RBMS3: variants seen among roughly 807,000 people sequenced by gnomAD.
RBMS3 encodes RNA-binding motif, single-stranded-interacting protein 3.
In RBMS3, 27 loss-of-function variants were observed where a neutral mutation model predicts 66.8. The observed-to-expected ratio is 0.40, with a 90% confidence interval of 0.30 to 0.56. The LOEUF (loss-of-function observed/expected upper bound fraction) is 0.56, where lower values mean the gene tolerates loss of function less well. Among genes scored for constraint, RBMS3 ranks in the 20% least tolerant of loss-of-function variants. The probability of loss-of-function intolerance (pLI) is 0.40; values close to 1 mark genes in which losing one functional copy is unlikely to be tolerated. For missense variants in RBMS3, 513 were observed against 549.5 expected, an observed-to-expected ratio of 0.93 and a Z score of 0.66; for synonymous variants, 188 against 183.0, an observed-to-expected ratio of 1.03 and a Z score of -0.22.
chr3:29,881,776 G>C (rs1358458132), intron 7 of RBMS3, among the ~76,000 whole-genome samples: 1 of 152,142 alleles, frequency 6.6e-6, no homozygotes, highest in East Asian at 1.9e-4. Flanking sequence ...AAATTCTTAA[G>C]TGGCCAGAAC....
In RBMS3 at chr3:29,436,651, A is replaced by G. The variant is rs373048101; in HGVS notation, c.248+1736A>G. Among the ~76,000 whole-genome samples the G allele has an allele frequency of 2.6e-5, 4 of 152,220 alleles. No individual in the cohort carries two copies. The East Asian group carries it at 7.7e-4, about 29-fold the overall frequency. ...AGGTTCAGGTGAAGTAAAAAGAAAA[A>G]TAGCTATTGTTCTTAATTTATATTT... On this transcript the variant is annotated intron_variant, in intron 2 of 14. Coordinates refer to ENST00000383767, the MANE Select transcript of RBMS3 (RefSeq NM_001003793.3).
chr3:29,933,702 T>C (rs1387541717), intron 10 of RBMS3: 1 of 152,198 alleles, frequency 6.6e-6, no homozygotes. Context: ...TGTTCATTTA[T>C]GTGCAGTAAC....
intron 12 of RBMS3, among the ~76,000 whole-genome samples, chr3:29,968,257 G>A (rs947668411): frequency 3.3e-5 from 5 of 152,120 alleles, no homozygotes; most frequent in Non-Finnish European, 7.4e-5. Flanking sequence ...AAACTTGCCC[G>A]AGGCTTTCTG....
At chr3:29,574,107 T>G (rs1006695095) in intron 3 of RBMS3, among the ~76,000 whole-genome samples, 4 of 152,192 alleles carry the variant, frequency 2.6e-5, no homozygotes, top group African/African-American at 7.2e-5. Flanking sequence ...ACTCTGATGT[T>G]TCTTTGTTGA....
intron 4 of RBMS3, among the ~76,000 whole-genome samples, chr3:29,727,420 T>C (rs2053932970): frequency 6.6e-6 from 1 of 151,808 alleles, no homozygotes; most frequent in African/African-American, 2.4e-5. Context: ...ATCATCAGAG[T>C]GAACATGCAA....
At chr3:29,293,623 A>C (rs1237252390) in intron 1 of RBMS3, among the ~76,000 whole-genome samples, 1 of 151,668 alleles carries the variant, frequency 6.6e-6, no homozygotes, top group Non-Finnish European at 1.5e-5. Flanking sequence ...TCCTTGTTTT[A>C]TTTAGGATGG....
intron 1 of RBMS3, among the ~76,000 whole-genome samples, chr3:29,331,439 G>A (rs1271555023): frequency 6.6e-6 from 1 of 152,056 alleles, no homozygotes; most frequent in Non-Finnish European, 1.5e-5. Context: ...ATCCTTTGTT[G>A]AATTTCACTT....
chr3:29,438,990 A>G (rs975165654), intron 2 of RBMS3, among the ~76,000 whole-genome samples: 10 of 152,218 alleles, frequency 6.6e-5, no homozygotes, highest in African/African-American at 2.4e-4. Context: ...GTGACAATTG[A>G]GCTAAGATTA....
intron 4 of RBMS3, among the ~76,000 whole-genome samples, chr3:29,662,515 T>C (rs1023632481): frequency 2.0e-5 from 3 of 152,230 alleles, no homozygotes; most frequent in East Asian, 1.9e-4. Flanking sequence ...CTTTGATGCA[T>C]ACCTAAAGTG....
chr3:29,458,211 A>G (rs150651216), intron 2 of RBMS3, among the ~76,000 whole-genome samples: 4 of 152,348 alleles, frequency 2.6e-5, no homozygotes, highest in Non-Finnish European at 5.9e-5. Context: ...ACTTTCCAGT[A>G]TAAATTGAAA....
intron 4 of RBMS3, among the ~76,000 whole-genome samples, chr3:29,650,310 G>GT (rs2050100034): frequency 7.3e-6 from 1 of 137,750 alleles, no homozygotes; most frequent in Non-Finnish European, 1.5e-5. Context: ...CTGAGACAGG[G>GT]TTTTGCTCTG....
At chr3:29,380,015 C>T (rs758492348) in intron 1 of RBMS3, among the ~76,000 whole-genome samples, 18 of 151,962 alleles carry the variant, frequency 1.2e-4, no homozygotes, top group Non-Finnish European at 2.1e-4. Flanking sequence ...TTGCAGAAAC[C>T]TAGAGGGAGG....
At chr3:29,698,039 T>C (rs539534131) in intron 4 of RBMS3, among the ~76,000 whole-genome samples, 3 of 152,340 alleles carry the variant, frequency 2.0e-5, no homozygotes, top group Non-Finnish European at 4.4e-5. Flanking sequence ...CACGTGCACC[T>C]GTCTTAACAA....
At chr3:29,798,400 A>G (rs2057283310) in intron 6 of RBMS3, among the ~76,000 whole-genome samples, 2 of 150,294 alleles carry the variant, frequency 1.3e-5, no homozygotes. Flanking sequence ...AGGAAAGAAA[A>G]GGAGAAAAAG....
intron 1 of RBMS3, among the ~76,000 whole-genome samples, chr3:29,313,563 T>C (rs755239536): frequency 4.0e-5 from 6 of 151,626 alleles, no homozygotes; most frequent in Non-Finnish European, 7.4e-5. Flanking sequence ...TGTCACCATA[T>C]TAGGGTGGTG....
intron 2 of RBMS3, among the ~76,000 whole-genome samples, chr3:29,453,091 G>A (rs2118599): frequency 0.092 from 13,929 of 152,048 alleles, 1,504 homozygotes; most frequent in African/African-American, 0.26. Context: ...TTGAATCCCC[G>A]CTGCTTCCCT....
chr3:29,597,012 C>T lies in RBMS3; in HGVS notation c.399+9807C>T, dbSNP rs191240858. ...CAAACAATGGTTCAATTTAATCCTT[C>T]TAACTATTGACTGGTGGAATGGGAC... On this transcript the variant is annotated intron_variant, in intron 4 of 14. Transcript: ENST00000383767. 2.4e-3 allele frequency among the ~76,000 whole-genome samples: 357 copies of T among 150,998 alleles called. 4 individuals are homozygous for T. The highest frequency in any genetic ancestry group is 8.0e-3 in the African/African-American group (333 of 41,472).
intron 12 of RBMS3, among the ~76,000 whole-genome samples, chr3:29,978,690 G>A (rs1277995822): frequency 6.6e-6 from 1 of 151,864 alleles, no homozygotes; most frequent in African/African-American, 2.4e-5. Flanking sequence ...TCAATCAATG[G>A]CATGTTTCTA....
At chr3:29,476,294 A>G (rs1461159033) in intron 2 of RBMS3, among the ~76,000 whole-genome samples, 1 of 152,222 alleles carries the variant, frequency 6.6e-6, no homozygotes, top group Admixed American at 6.5e-5. Flanking sequence ...GTTTTTGAGT[A>G]TCTACTATAA....
Sources: gnomAD v4.1 joint callset for allele counts (sites outside exome capture counted in the v4.1 genomes callset) on GRCh38, gnomAD v4.1.1 for gene constraint, MANE v1.5 for transcripts, NCBI Gene and HGNC (gene_info 2026-07-23, HGNC 2026-07-21) for gene names.